The following ADGRL3 variants were observed in gnomAD, a reference collection of about 807,000 sequenced individuals.
ADGRL3 encodes adhesion G protein-coupled receptor L3.
In ADGRL3, 62 loss-of-function variants were observed where a neutral mutation model predicts 153.5. The observed-to-expected ratio is 0.40, with a 90% CI of 0.33 to 0.50. ADGRL3 has a LOEUF of 0.50. Among genes scored for constraint, ADGRL3 ranks in the 20% least tolerant of loss-of-function variants. The pLI is 0.47. For missense variants in ADGRL3, 1,641 were observed against 1,859.4 expected, an observed-to-expected ratio of 0.88 and a Z score of 2.16; for synonymous variants, 710 against 672.5, an observed-to-expected ratio of 1.06 and a Z score of -0.86.
intron 2 of ADGRL3, among the ~76,000 whole-genome samples, chr4:61,424,382 C>T (rs1489948743): frequency 6.6e-6 from 1 of 152,110 alleles, no homozygotes; most frequent in Non-Finnish European, 1.5e-5. Flanking sequence ...AGTGGGGAAA[C>T]TTGCCCACAC....
intron 9 of ADGRL3, among the ~76,000 whole-genome samples, chr4:61,818,261 G>A (rs1295259290): frequency 2.0e-5 from 3 of 152,080 alleles, no homozygotes; most frequent in Non-Finnish European, 2.9e-5. Context: ...CACCATGCAG[G>A]CCCAAAATTC....
At chr4:61,209,025 T>C (rs921937651) in intron 1 of ADGRL3, among the ~76,000 whole-genome samples, 3 of 152,150 alleles carry the variant, frequency 2.0e-5, no homozygotes, top group African/African-American at 7.2e-5. Context: ...AAATGAGACT[T>C]TGGCAACTAT....
At chr4:61,373,904 C>G (rs2096571406) in intron 1 of ADGRL3, among the ~76,000 whole-genome samples, 1 of 152,112 alleles carries the variant, frequency 6.6e-6, no homozygotes, top group Non-Finnish European at 1.5e-5. Context: ...GATTTATATA[C>G]TCTTCTTTTT....
At chr4:61,478,493 C>T (rs961411419) in intron 2 of ADGRL3, among the ~76,000 whole-genome samples, 2 of 151,996 alleles carry the variant, frequency 1.3e-5, no homozygotes, top group Non-Finnish European at 2.9e-5. Context: ...CCTTAGAATT[C>T]AAAGAAACTT....
intron 9 of ADGRL3, among the ~76,000 whole-genome samples, chr4:61,870,992 A>T (rs1390456500): frequency 3.3e-5 from 5 of 152,108 alleles, no homozygotes; most frequent in Non-Finnish European, 7.4e-5. Context: ...AAAAGTGTAT[A>T]CGGGGGCCGG....
intron 8 of ADGRL3, among the ~76,000 whole-genome samples, chr4:61,769,166 C>T (rs1484373221): frequency 2.6e-5 from 4 of 152,020 alleles, no homozygotes; most frequent in Admixed American, 6.5e-5. Flanking sequence ...ATCAGAGAGG[C>T]GTCCCTGCAA....
chr4:61,735,430 C>A (rs2096495440), intron 8 of ADGRL3, among the ~76,000 whole-genome samples: 1 of 152,164 alleles, frequency 6.6e-6, no homozygotes, highest in Non-Finnish European at 1.5e-5. Context: ...TCTCCTAGAC[C>A]AACTCTATTG....
intron 17 of ADGRL3, among the ~76,000 whole-genome samples, chr4:61,974,917 T>C (rs566787680): frequency 3.9e-5 from 6 of 152,344 alleles, no homozygotes; most frequent in South Asian, 4.1e-4. Context: ...AAGGACTGTT[T>C]AGTGGGCAGC....
intron 4 of ADGRL3, among the ~76,000 whole-genome samples, chr4:61,521,737 A>T (rs335318): frequency 0.76 from 115,121 of 151,848 alleles, 43,993 homozygotes; most frequent in East Asian, 0.94. Flanking sequence ...TTGCATTATA[A>T]ATGAGTGTAC....
At chr4:61,823,705 A>G (rs368448646) in intron 9 of ADGRL3, among the ~76,000 whole-genome samples, 5 of 152,298 alleles carry the variant, frequency 3.3e-5, no homozygotes, top group Non-Finnish European at 7.4e-5. Context: ...AAAATCTGCT[A>G]TGGCAGTTTT....
At chr4:61,243,357 C>T (rs1260678209) in intron 1 of ADGRL3, among the ~76,000 whole-genome samples, 2 of 151,942 alleles carry the variant, frequency 1.3e-5, no homozygotes, top group Non-Finnish European at 2.9e-5. Flanking sequence ...AGAACCAGGT[C>T]CTGTGGGAAC....
intron 2 of ADGRL3, among the ~76,000 whole-genome samples, chr4:61,471,953 G>A (rs902178340): frequency 2.6e-5 from 4 of 151,862 alleles, no homozygotes; most frequent in Non-Finnish European, 5.9e-5. Context: ...TACAATTATT[G>A]TATTATGCAC....
rs138332095 is a variant in ADGRL3 at position 61,478,326 on chromosome 4, A to G, written c.-173-18795A>G. Among the ~76,000 whole-genome samples the G allele has an allele frequency of 4.3e-3, 657 of 152,146 alleles. 4 individuals carry two copies. The highest frequency in any genetic ancestry group is 0.015 in the African/African-American group (604 of 41,552). On this transcript the variant is annotated intron_variant, in intron 2 of 26. Transcript: ENST00000683033. Reference sequence around the variant, plus strand: ...TAGTGATGTCAAAGTGATTATGGTAATAGTGTTAGTGAACTTTTGCTTTTT... The same window carrying G: ...TAGTGATGTCAAAGTGATTATGGTAGTAGTGTTAGTGAACTTTTGCTTTTT...
chr4:61,671,468 A>G (rs1412163442), intron 5 of ADGRL3, among the ~76,000 whole-genome samples: 1 of 152,172 alleles, frequency 6.6e-6, no homozygotes. Flanking sequence ...CATTTATTAA[A>G]CCTGATCAAT....
At chr4:61,450,743 A>T (rs2152518008) in intron 2 of ADGRL3, among the ~76,000 whole-genome samples, 1 of 152,206 alleles carries the variant, frequency 6.6e-6, no homozygotes, top group East Asian at 1.9e-4. Flanking sequence ...TGTTGTTAGA[A>T]TTTCCATGTA....
chr4:61,415,114 A>T (rs2097131570), intron 2 of ADGRL3, among the ~76,000 whole-genome samples: 1 of 151,900 alleles, frequency 6.6e-6, no homozygotes, highest in African/African-American at 2.4e-5. Flanking sequence ...CTTTATAAAA[A>T]CATAACATTT....
chr4:61,852,263 G>T (rs2098213613), intron 9 of ADGRL3, among the ~76,000 whole-genome samples: 1 of 151,570 alleles, frequency 6.6e-6, no homozygotes, highest in African/African-American at 2.4e-5. Context: ...CAAAATTGGT[G>T]CATTTAACTA....
intron 9 of ADGRL3, among the ~76,000 whole-genome samples, chr4:61,818,349 T>C (rs2097711929): frequency 6.6e-6 from 1 of 152,102 alleles, no homozygotes; most frequent in African/African-American, 2.4e-5. Flanking sequence ...AAGAGGTGGG[T>C]TGTCATGGTC....
At chr4:61,845,155 T>C (rs1467412562) in intron 9 of ADGRL3, among the ~76,000 whole-genome samples, 1 of 152,182 alleles carries the variant, frequency 6.6e-6, no homozygotes, top group Non-Finnish European at 1.5e-5. Flanking sequence ...TCAAAGTCTG[T>C]TTGCATTTTA....
Sources: gnomAD v4.1 joint callset for allele counts (sites outside exome capture counted in the v4.1 genomes callset) on GRCh38, gnomAD v4.1.1 for gene constraint, MANE v1.5 for transcripts, NCBI Gene and HGNC (gene_info 2026-07-23, HGNC 2026-07-21) for gene names.